Variants in CALY observed in about 807,000 individuals in gnomAD.
The protein encoded by CALY is calcyon neuron specific vesicular protein.
A neutral mutation model predicts 20.2 loss-of-function variants in CALY; 15 were observed. That is an observed-to-expected ratio of 0.74 (90% CI 0.50 to 1.14). The LOEUF (loss-of-function observed/expected upper bound fraction) is 1.14, where lower values mean the gene tolerates loss of function less well. Among genes scored for constraint, CALY ranks in the 50% most tolerant of loss-of-function variants. The pLI is 0.00. For missense variants in CALY, 270 were observed against 304.4 expected (o/e 0.89, Z 0.84); for synonymous variants, 129 against 131.8 (o/e 0.98, Z 0.15).
At chr10:133,336,323 C>T (rs903450402) in intron 1 of CALY, among the ~76,000 whole-genome samples, 2 of 152,188 alleles carry the variant, frequency 1.3e-5, no homozygotes, top group African/African-American at 4.8e-5. Context: ...GCCTCCTGGC[C>T]ACCTCTTGCC....
Position 133,326,873 on chromosome 10 carries a change from C to T in CALY, c.360+5G>A, listed in dbSNP as rs761553533. ...CACCCCCCACCAGAGCCCTGGCCCC[C>T]TTACCCGCAGCAGGAAGCCGTCGGG... On this transcript the variant is annotated splice_donor_5th_base_variant and intron_variant, in intron 4 of 5. Transcript: ENST00000252939. 3.1e-6 allele frequency: 5 copies of T among 1,596,904 alleles called. No individual in the cohort carries two copies. Among genetic ancestry groups the T allele is most frequent in the Non-Finnish European group, 4.3e-6 (5 of 1,171,862 alleles).
In CALY at chr10:133,335,187, G is replaced by A. The variant is rs1329127505; in HGVS notation, c.-21+1647C>T. On this transcript the variant is annotated intron_variant, in intron 1 of 5. Transcript: ENST00000252939. Reference sequence around the variant, plus strand: ...GTGGAGCTTGGCCCGCGGGGGTGGGGGTGCCGCTGAGGAGGAGGGGTCGGG... The same window carrying A: ...GTGGAGCTTGGCCCGCGGGGGTGGGAGTGCCGCTGAGGAGGAGGGGTCGGG... Among the ~76,000 whole-genome samples the A allele has an allele frequency of 5.3e-5, 8 of 152,242 alleles. No individual in the cohort carries two copies. In the East Asian group the frequency reaches 1.5e-3, roughly 29 times the overall value.
At chr10:133,325,741 C>T in intron 5 of CALY, 58 bp downstream of exon 5, 2 of 767,558 alleles carry the variant, frequency 2.6e-6, no homozygotes, top group Non-Finnish European at 1.7e-6. Flanking sequence ...GAAGCGGTGG[C>T]GGGAGGCCAG....
In CALY at chr10:133,326,879, C is replaced by T. The variant is rs766977404; in HGVS notation, c.359G>A (p.Arg120Gln). ...CCACCAGAGCCCTGGCCCCCTTACC[C>T]GCAGCAGGAAGCCGTCGGGGCAGGT... ...QFTCPDGFLL[R>Q]HKICTPLTLE... is the part of the protein sequence containing the mutation. The change falls in exon 4 of 6, where the codon CGG becomes CAG. Residue 120 changes from arginine to glutamine, a missense_variant and splice_region_variant. By Grantham distance (43) the Arg-to-Gln change is conservative (BLOSUM62 1). Coordinates refer to ENST00000252939, the MANE Select transcript of CALY (RefSeq NM_015722.4). The T allele has an allele frequency of 8.7e-6, 14 of 1,602,088 alleles. No individual in the cohort carries two copies. Among genetic ancestry groups the T allele is most frequent in the Admixed American group, 6.9e-5 (4 of 58,130 alleles).
intron 1 of CALY, among the ~76,000 whole-genome samples, chr10:133,334,816 G>A (rs1164274113): frequency 6.6e-6 from 1 of 152,074 alleles, no homozygotes; most frequent in South Asian, 2.1e-4. Context: ...ACGCGCTTTG[G>A]GGCCCTAACC....
At position 133,326,956 on chromosome 10, in the gene CALY, C is replaced by T. The variant is rs199932152; in HGVS notation, c.282G>A (p.Ala94=). The change falls in exon 4 of 6, where the codon GCG becomes GCA. Residue 94 remains alanine, a synonymous_variant. Coordinates refer to ENST00000252939, the MANE Select transcript of CALY (RefSeq NM_015722.4). ...ACATGATCAGCACGCAGCCCAGTAG[C>T]GCCATGGCGAAGGCGATCATCCGTG... ...PTARMIAFAM[A]LLGCVLIMYK... The T allele has an allele frequency of 1.1e-5, 17 of 1,610,674 alleles. No individual in the cohort carries two copies. In the Admixed American group the frequency reaches 1.2e-4, roughly 11 times the overall value.
At chr10:133,335,315 C>T (rs969033583) in intron 1 of CALY, among the ~76,000 whole-genome samples, 1 of 152,150 alleles carries the variant, frequency 6.6e-6, no homozygotes, top group African/African-American at 2.4e-5. Context: ...CCCGCAGCGC[C>T]ATAGGGTAGG....
chr10:133,327,569 G>C (rs1032382204), intron 3 of CALY: 25 of 583,792 alleles, frequency 4.3e-5, no homozygotes, highest in Non-Finnish European at 6.7e-5. Context: ...ACTGCAGAAA[G>C]GAAGTATTAC....
rs1215474353 is a variant in CALY, at chr10:133,324,153, G to A, written c.*1442C>T. 3.1e-6 allele frequency: 1 copy of A among 323,544 alleles called. No individual in the cohort carries two copies. The highest frequency in any genetic ancestry group is 6.2e-6 in the Non-Finnish European group (1 of 162,418). 20.0% of individuals were successfully genotyped at this position (323,544 alleles called of 1,614,324 possible). On this transcript the variant is annotated 3_prime_UTR_variant, in exon 6 of 6. Coordinates refer to ENST00000252939, the MANE Select transcript of CALY (RefSeq NM_015722.4). Reference sequence around the variant, plus strand: ...CCATATATCCCAGCTGACGCCCCAGGCCCCGGGCCCCCCTCCCTTGCAGGC... The same window carrying A: ...CCATATATCCCAGCTGACGCCCCAGACCCCGGGCCCCCCTCCCTTGCAGGC...
chr10:133,329,376 CCTTCTT>C (rs148539604), intron 1 of CALY, among the ~76,000 whole-genome samples: 6 of 142,704 alleles, frequency 4.2e-5, no homozygotes, highest in South Asian at 2.3e-4. Flanking sequence ...TTCTTATTCT[CCTTCTT>C]CTTCTTCTTC....
intron 2 of CALY, 115 bp downstream of exon 2, chr10:133,328,740 C>A: frequency 8.5e-7 from 1 of 1,178,070 alleles, no homozygotes; most frequent in South Asian, 1.7e-5. Context: ...CATGGCCCTT[C>A]ATCTGTTTGC....
chr10:133,332,235 C>G (rs1368927240), intron 1 of CALY, among the ~76,000 whole-genome samples: 1 of 152,140 alleles, frequency 6.6e-6, no homozygotes, highest in Non-Finnish European at 1.5e-5. Flanking sequence ...TGGAAAAAGT[C>G]CCACGTGACA....
Position 133,324,285 on chromosome 10 carries a change from C to G in CALY, c.*1310G>C, listed in dbSNP as rs1046248139. ...CATGGCCCTGCCTTCCCTGACCCCACCTGGCTGGCTTCCAGCTCACCATGG... is the reference window on the plus strand; with the variant it reads ...CATGGCCCTGCCTTCCCTGACCCCAGCTGGCTGGCTTCCAGCTCACCATGG... On this transcript the variant is annotated 3_prime_UTR_variant, in exon 6 of 6. Coordinates refer to ENST00000252939, the MANE Select transcript of CALY (RefSeq NM_015722.4). The G allele has an allele frequency of 6.6e-6, 3 of 453,550 alleles. No homozygotes were observed. The highest frequency in any genetic ancestry group is 3.1e-5 in the South Asian group (2 of 64,312). The allele number at this position is 453,550 out of a possible 1,614,324, so 28.1% of individuals were successfully genotyped here.
intron 2 of CALY, 52 bp from the exon 3 acceptor site, chr10:133,328,067 A>G: frequency 8.5e-7 from 1 of 1,171,986 alleles, no homozygotes; most frequent in Non-Finnish European, 1.3e-6. Flanking sequence ...GGGACCCAAG[A>G]GAGCCCTGAA....
chr10:133,331,770 A>G (rs544058150), intron 1 of CALY, among the ~76,000 whole-genome samples: 1 of 152,326 alleles, frequency 6.6e-6, no homozygotes, highest in Admixed American at 6.5e-5. Context: ...TTTAAAATGA[A>G]CTTGACAAGC....
Position 133,326,138 on chromosome 10 carries a change from T to C in CALY, c.361-18A>G. 1 of 1,591,326 alleles carries C rather than the reference T, an allele frequency of 6.3e-7. No homozygotes were observed. The highest frequency in any genetic ancestry group is 8.6e-7 in the Non-Finnish European group (1 of 1,166,460). On this transcript the variant is annotated intron_variant, in intron 4 of 5. Transcript: ENST00000252939. ...ATCTTGTGCTGCGGGAGGGGCCGGG[T>C]CAGGGTCGGTGGGGCTGAGCCCTCC...
chr10:133,335,630 C>G (rs368478865), intron 1 of CALY, among the ~76,000 whole-genome samples: 1 of 152,222 alleles, frequency 6.6e-6, no homozygotes, highest in Non-Finnish European at 1.5e-5. Context: ...TCCAACCCCC[C>G]CACCCCACAC....
Position 133,325,840 on chromosome 10 carries a change from G to C in CALY, c.641C>G (p.Pro214Arg), listed in dbSNP as rs1848194532. Residue 214 changes from proline (P) to arginine (R), a missense_variant, in exon 5 of 6, where the codon CCG becomes CGG. By Grantham distance (103) the Pro-to-Arg change is moderately radical. Transcript: ENST00000252939. Reference sequence around the variant, plus strand: ...GGGCTGGAGACGTCACTGCGCGGGCGGGGGCGCCGCGCTCCCGGCCGCCTT... The same window carrying C: ...GGGCTGGAGACGTCACTGCGCGGGCCGGGGCGCCGCGCTCCCGGCCGCCTT... ...ARKAAGSAAP[P>R]PAQ is the part of the protein sequence containing the mutation. The C allele has an allele frequency of 1.6e-6, 2 of 1,226,672 alleles. No individual in the cohort carries two copies. The highest frequency in any genetic ancestry group is 2.0e-6 in the Non-Finnish European group (2 of 985,242). The allele number at this position is 1,226,672 out of a possible 1,614,324, so 76.0% of individuals were successfully genotyped here.
chr10:133,325,588 G>T, intron 5 of CALY, 22 bp from the exon 6 acceptor site: 1 of 290,858 alleles, frequency 3.4e-6, no homozygotes, highest in Non-Finnish European at 6.3e-6. Context: ...GAGCCCGAGG[G>T]TTGAGAGCGG....
Sources: gnomAD v4.1 joint callset for allele counts (sites outside exome capture counted in the v4.1 genomes callset) on GRCh38, gnomAD v4.1.1 for gene constraint, MANE v1.5 for transcripts, NCBI Gene and HGNC (gene_info 2026-07-23, HGNC 2026-07-21) for gene names.